Variants in CRACR2A observed in about 807,000 individuals in gnomAD.
CRACR2A encodes the protein EF-hand calcium-binding domain-containing protein 4B.
CRACR2A carries 79 observed loss-of-function variants against 90.5 expected under a neutral mutation model. That is an observed-to-expected ratio of 0.87 (90% CI 0.73 to 1.05). The LOEUF (loss-of-function observed/expected upper bound fraction) is 1.05, where lower values mean the gene tolerates loss of function less well. Ranked by LOEUF, CRACR2A falls within the 50% of genes least tolerant of loss-of-function variation. The pLI is 0.00. For missense variants in CRACR2A, 823 were observed against 897.2 expected, an observed-to-expected ratio of 0.92 and a Z score of 1.06; for synonymous variants, 338 against 356.7, an observed-to-expected ratio of 0.95 and a Z score of 0.59.
chr12:3,678,316 A>C (rs550042655), intron 6 of CRACR2A, among the ~76,000 whole-genome samples: 1 of 152,188 alleles, frequency 6.6e-6, no homozygotes, highest in South Asian at 2.1e-4. Context: ...GATCTCAGCC[A>C]TCTACAATTT....
intron 17 of CRACR2A, among the ~76,000 whole-genome samples, chr12:3,623,288 T>C (rs1386918030): frequency 3.9e-5 from 6 of 152,226 alleles, no homozygotes; most frequent in Non-Finnish European, 8.8e-5. Flanking sequence ...CCACGTTTTT[T>C]TCCAGCTCGG....
chr12:3,719,510 T>C (rs1053933671), intron 2 of CRACR2A, among the ~76,000 whole-genome samples: 2 of 152,136 alleles, frequency 1.3e-5, no homozygotes, highest in Non-Finnish European at 2.9e-5. Context: ...CTGACTGAGG[T>C]TTCTTTGCAT....
At chr12:3,672,260 T>C (rs1006827405) in intron 7 of CRACR2A, among the ~76,000 whole-genome samples, 1 of 126,124 alleles carries the variant, frequency 7.9e-6, no homozygotes, top group African/African-American at 3.0e-5. Flanking sequence ...TGTAAATAGA[T>C]GATCTACACA....
intron 4 of CRACR2A, among the ~76,000 whole-genome samples, chr12:3,696,196 C>A (rs1053444617): frequency 3.9e-5 from 6 of 152,236 alleles, no homozygotes; most frequent in Non-Finnish European, 7.3e-5. Context: ...GTAAGGTCCA[C>A]AAAGTGGAAA....
At chr12:3,666,403 A>T (rs1466338177) in intron 7 of CRACR2A, among the ~76,000 whole-genome samples, 3 of 151,668 alleles carry the variant, frequency 2.0e-5, no homozygotes, top group African/African-American at 7.3e-5. Context: ...TCATGTGTAC[A>T]TCTGGTGCTG....
intron 1 of CRACR2A, among the ~76,000 whole-genome samples, chr12:3,749,106 T>C (rs934765944): frequency 5.9e-5 from 9 of 152,176 alleles, no homozygotes; most frequent in African/African-American, 2.2e-4. Flanking sequence ...CTCAGTTAAC[T>C]TTTCTATAAA....
At chr12:3,656,028 G>C (rs1314592954) in intron 9 of CRACR2A, among the ~76,000 whole-genome samples, 3 of 152,152 alleles carry the variant, frequency 2.0e-5, no homozygotes, top group Non-Finnish European at 4.4e-5. Flanking sequence ...TCAAATTTTG[G>C]CATTCTCGTG....
intron 1 of CRACR2A, among the ~76,000 whole-genome samples, chr12:3,743,662 T>A (rs1389710352): frequency 6.6e-6 from 1 of 152,248 alleles, no homozygotes; most frequent in Admixed American, 6.5e-5. Context: ...GTAAGACCTA[T>A]ATCAGAAAAT....
At chr12:3,639,658 GA>G (rs1944527169) in intron 13 of CRACR2A, among the ~76,000 whole-genome samples, 1 of 150,552 alleles carries the variant, frequency 6.6e-6, no homozygotes, top group South Asian at 2.1e-4. Flanking sequence ...CAGTAGAAAG[GA>G]AAAAGAAAAA....
At chr12:3,751,794 C>G (rs1266658959) in intron 1 of CRACR2A, among the ~76,000 whole-genome samples, 1 of 105,204 alleles carries the variant, frequency 9.5e-6, no homozygotes, top group Non-Finnish European at 2.1e-5. Context: ...CCTGAAGCCT[C>G]TCACTTATAG....
At chr12:3,635,866 G>T (rs1944445471) in intron 14 of CRACR2A, among the ~76,000 whole-genome samples, 1 of 152,062 alleles carries the variant, frequency 6.6e-6, no homozygotes, top group Admixed American at 6.6e-5. Context: ...TTCATATCTT[G>T]ATGCATTCCT....
At chr12:3,699,030 T>C (rs921018078) in intron 3 of CRACR2A, among the ~76,000 whole-genome samples, 1 of 152,184 alleles carries the variant, frequency 6.6e-6, no homozygotes, top group Non-Finnish European at 1.5e-5. Context: ...GCCAGGCCCC[T>C]AGCATACTTC....
chr12:3,625,364 A>G (rs190282295), intron 17 of CRACR2A, among the ~76,000 whole-genome samples: 1 of 151,320 alleles, frequency 6.6e-6, no homozygotes, highest in East Asian at 2.0e-4. Flanking sequence ...AAACTGTTCC[A>G]CCTCTTCTTC....
At chr12:3,656,604 C>T (rs117325695) in intron 8 of CRACR2A, among the ~76,000 whole-genome samples, 198 bp from the exon 9 acceptor site, 3 of 152,258 alleles carry the variant, frequency 2.0e-5, no homozygotes, top group East Asian at 3.9e-4. Flanking sequence ...ATAGTGCAAG[C>T]GCTTAGTGAG....
chr12:3,620,918 G>C (rs1007043660), intron 17 of CRACR2A, among the ~76,000 whole-genome samples: 2 of 152,198 alleles, frequency 1.3e-5, no homozygotes, highest in Non-Finnish European at 2.9e-5. Context: ...GCCACTGATG[G>C]CATATATGGA....
intron 10 of CRACR2A, among the ~76,000 whole-genome samples, chr12:3,650,045 T>G (rs1454063471): frequency 6.6e-6 from 1 of 152,224 alleles, no homozygotes; most frequent in Non-Finnish European, 1.5e-5. Flanking sequence ...TTAATCACCC[T>G]CCGATCTTAC....
chr12:3,652,566 G>A (rs981626777), intron 10 of CRACR2A, among the ~76,000 whole-genome samples: 3 of 152,030 alleles, frequency 2.0e-5, no homozygotes, highest in Non-Finnish European at 4.4e-5. Context: ...ACAGGATTCC[G>A]CACATAAGTC....
At chr12:3,647,330 G>A (rs1285724964) in intron 11 of CRACR2A, among the ~76,000 whole-genome samples, 3 of 152,020 alleles carry the variant, frequency 2.0e-5, no homozygotes, top group South Asian at 2.1e-4. Context: ...ACCCTGGATC[G>A]ATGGCACAGA....
At chr12:3,685,891 T>C (rs1486226456) in intron 4 of CRACR2A, among the ~76,000 whole-genome samples, 4 of 152,364 alleles carry the variant, frequency 2.6e-5, no homozygotes, top group Admixed American at 2.6e-4. Context: ...AATTGTGTGT[T>C]ATCTGTATCT....
Sources: allele counts gnomAD v4.1 joint callset (sites outside exome capture counted in the v4.1 genomes callset), GRCh38; gene constraint gnomAD v4.1.1; transcripts MANE v1.5; gene names NCBI Gene and HGNC (gene_info 2026-07-23, HGNC 2026-07-21).